The following UTS2B variants were observed in gnomAD, a reference collection of about 807,000 sequenced individuals.
The protein encoded by UTS2B is urotensin 2B.
In UTS2B, 21 loss-of-function variants were observed where a neutral mutation model predicts 19.2. That is an observed-to-expected ratio of 1.09 (90% CI 0.78 to 1.58). The LOEUF (loss-of-function observed/expected upper bound fraction) is 1.58. Among genes scored for constraint, UTS2B ranks in the 40% most tolerant of loss-of-function variants. The probability of loss-of-function intolerance (pLI) is 0.00; values close to 1 mark genes in which losing one functional copy is unlikely to be tolerated. For synonymous variants in UTS2B, 57 were observed against 50.2 expected (o/e 1.14, Z -0.58); for missense variants, 138 against 130.3 (o/e 1.06, Z -0.29).
intron 4 of UTS2B, among the ~76,000 whole-genome samples, chr3:191,284,873 C>T (rs528567246): frequency 1.3e-5 from 2 of 152,150 alleles, no homozygotes; most frequent in South Asian, 2.1e-4. Flanking sequence ...GATGTAAAGA[C>T]TTTCCCAGAC....
chr3:191,329,527 G>C, intron 1 of UTS2B: 6 of 661,052 alleles, frequency 9.1e-6, no homozygotes, highest in Non-Finnish European at 1.2e-5. Context: ...GCCCCTGCCC[G>C]CCCGACCCGC....
At chr3:191,329,400 G>C (rs952951395) in intron 1 of UTS2B, 6 of 406,654 alleles carry the variant, frequency 1.5e-5, no homozygotes, top group Non-Finnish European at 2.6e-5. Context: ...GTCCATTTCC[G>C]GGCTCCGGAT....
chr3:191,306,364 A>C (rs1215239278), intron 3 of UTS2B, among the ~76,000 whole-genome samples: 1 of 152,254 alleles, frequency 6.6e-6, no homozygotes, highest in Non-Finnish European at 1.5e-5. Flanking sequence ...TTCATCATTT[A>C]TAATTAGGTA....
At chr3:191,282,040 A>G in intron 5 of UTS2B, 47 bp downstream of exon 5, 1 of 1,318,414 alleles carries the variant, frequency 7.6e-7, no homozygotes, top group South Asian at 1.3e-5. Context: ...ATAGAAATAG[A>G]AGAATTACTT....
At chr3:191,328,004 G>A (rs527475808) in intron 2 of UTS2B, among the ~76,000 whole-genome samples, 5 of 152,260 alleles carry the variant, frequency 3.3e-5, no homozygotes, top group South Asian at 4.2e-4. Context: ...AGGCAAGGTC[G>A]AAAATATTAT....
chr3:191,291,882 A>T (rs1716730124), intron 4 of UTS2B, among the ~76,000 whole-genome samples: 1 of 152,136 alleles, frequency 6.6e-6, no homozygotes, highest in Non-Finnish European at 1.5e-5. Context: ...TTCCCCCATG[A>T]ATGGTCTTGG....
At chr3:191,290,149 G>T (rs1286650521) in intron 4 of UTS2B, among the ~76,000 whole-genome samples, 10 of 151,988 alleles carry the variant, frequency 6.6e-5, no homozygotes, top group Admixed American at 6.6e-4. Context: ...TCCACTTTGG[G>T]GAAAAGTCTG....
upstream of UTS2B, among the ~76,000 whole-genome samples, chr3:191,333,306 G>A (rs1015471934): frequency 9.2e-5 from 14 of 152,300 alleles, no homozygotes; most frequent in African/African-American, 3.4e-4. Context: ...TAGGTTCAGG[G>A]CACTCCAGTG....
intron 4 of UTS2B, among the ~76,000 whole-genome samples, chr3:191,286,075 G>C (rs1716536829): frequency 6.6e-6 from 1 of 152,084 alleles, no homozygotes; most frequent in Admixed American, 6.5e-5. Flanking sequence ...TCATCAAAAG[G>C]ATATAATAAT....
At chr3:191,290,184 A>C (rs1028286162) in intron 4 of UTS2B, among the ~76,000 whole-genome samples, 5 of 152,098 alleles carry the variant, frequency 3.3e-5, no homozygotes, top group Admixed American at 2.6e-4. Context: ...TAAATCTTTT[A>C]TCTCTCTCTC....
chr3:191,305,237 C>T (rs917938555), intron 3 of UTS2B, among the ~76,000 whole-genome samples: 5 of 152,142 alleles, frequency 3.3e-5, no homozygotes, highest in Non-Finnish European at 7.3e-5. Context: ...TGTGAGGAAT[C>T]GCCACACTGT....
intron 5 of UTS2B, among the ~76,000 whole-genome samples, chr3:191,279,931 T>C (rs1472260632): frequency 6.6e-6 from 1 of 152,138 alleles, no homozygotes; most frequent in Non-Finnish European, 1.5e-5. Flanking sequence ...CATATATTTT[T>C]AATGTTTCTA....
intron 4 of UTS2B, among the ~76,000 whole-genome samples, chr3:191,296,728 G>C (rs900198848): frequency 6.6e-6 from 1 of 152,136 alleles, no homozygotes; most frequent in African/African-American, 2.4e-5. Context: ...ACACAAAATA[G>C]GTCTTTCTTA....
chr3:191,318,611 G>C (rs1174704076), intron 2 of UTS2B, among the ~76,000 whole-genome samples: 1 of 152,006 alleles, frequency 6.6e-6, no homozygotes, highest in African/African-American at 2.4e-5. Context: ...CTGGAACCAC[G>C]GGTGCACACC....
chr3:191,334,990 A>G (rs1718095127), upstream of UTS2B, among the ~76,000 whole-genome samples: 1 of 152,176 alleles, frequency 6.6e-6, no homozygotes, highest in African/African-American at 2.4e-5. Context: ...GCAAAAATGC[A>G]TGTCTTCTCT....
At chr3:191,330,959 C>T (rs1425976988), upstream of UTS2B, among the ~76,000 whole-genome samples, 1 of 152,174 alleles carries the variant, frequency 6.6e-6, no homozygotes, top group Non-Finnish European at 1.5e-5. Flanking sequence ...ACTTTTCTAC[C>T]TTTCCGTCCC....
At chr3:191,338,295 A>G in the UTS2B span, among the ~76,000 whole-genome samples, 13 of 152,288 alleles carry the variant, frequency 8.5e-5, no homozygotes, top group South Asian at 2.3e-3. Context: ...TTTCTTTTAT[A>G]TTATGAAGGT....
At chr3:191,310,947 C>G (rs1717286139) in intron 3 of UTS2B, among the ~76,000 whole-genome samples, 1 of 152,210 alleles carries the variant, frequency 6.6e-6, no homozygotes, top group Non-Finnish European at 1.5e-5. Flanking sequence ...GTTTCAGAAG[C>G]TGCAACTGGC....
chr3:191,306,173 T>C (rs1283178355), intron 3 of UTS2B, among the ~76,000 whole-genome samples: 2 of 152,206 alleles, frequency 1.3e-5, no homozygotes, highest in Non-Finnish European at 2.9e-5. Flanking sequence ...TCCATGTGAA[T>C]TTTAAAATAG....
Sources: allele counts gnomAD v4.1 joint callset (sites outside exome capture counted in the v4.1 genomes callset), GRCh38; gene constraint gnomAD v4.1.1; transcripts MANE v1.5; gene names NCBI Gene and HGNC (gene_info 2026-07-23, HGNC 2026-07-21).